The following ARHGAP10 variants were observed in gnomAD, a reference collection of about 807,000 sequenced individuals.
ARHGAP10 encodes the protein rho GTPase-activating protein 10.
A neutral mutation model predicts 108.6 loss-of-function variants in ARHGAP10; 87 were observed. That is an observed-to-expected ratio of 0.80 (90% CI 0.67 to 0.96). The LOEUF (loss-of-function observed/expected upper bound fraction) is 0.96, where lower values mean the gene tolerates loss of function less well. ARHGAP10 is among the 40% of genes least tolerant of loss of function. ARHGAP10 has a pLI of 0.00. For synonymous variants in ARHGAP10, 347 were observed against 341.1 expected, an observed-to-expected ratio of 1.02 and a Z score of -0.19; for missense variants, 939 against 954.5, an observed-to-expected ratio of 0.98 and a Z score of 0.21.
intron 1 of ARHGAP10, among the ~76,000 whole-genome samples, chr4:147,782,952 A>T (rs1308762431): frequency 2.1e-5 from 3 of 140,092 alleles, no homozygotes; most frequent in Non-Finnish European, 4.7e-5. Flanking sequence ...TATTATATAA[A>T]TTATATATAA....
chr4:147,938,103 A>G (rs1738025108), intron 13 of ARHGAP10, among the ~76,000 whole-genome samples: 1 of 152,202 alleles, frequency 6.6e-6, no homozygotes, highest in South Asian at 2.1e-4. Flanking sequence ...TAGCAAAGTA[A>G]TGCAGGAATA....
At chr4:147,829,289 T>C (rs1241569662) in intron 3 of ARHGAP10, among the ~76,000 whole-genome samples, 1 of 151,956 alleles carries the variant, frequency 6.6e-6, no homozygotes, top group Non-Finnish European at 1.5e-5. Flanking sequence ...CCTGACCTTG[T>C]GATCTTCCTG....
At position 148,014,868 on chromosome 4, in the gene ARHGAP10, A is replaced by G. The variant is rs187140861; in HGVS notation, c.1717-8395A>G. Among the ~76,000 whole-genome samples, 26 of 152,370 alleles carry G rather than the reference A, an allele frequency of 1.7e-4. No homozygotes were observed. The South Asian group carries it at 2.7e-3, about 16-fold the overall frequency. On this transcript the variant is annotated intron_variant, in intron 18 of 22. Transcript: ENST00000336498. Reference sequence around the variant, plus strand: ...TGTTTCCTGAAATAAAACATAAACAAAATTAGAAAAACAGAAACTCTACCA... The same window carrying G: ...TGTTTCCTGAAATAAAACATAAACAGAATTAGAAAAACAGAAACTCTACCA...
At chr4:147,911,507 T>C (rs202124046) in intron 12 of ARHGAP10, among the ~76,000 whole-genome samples, 25 of 152,254 alleles carry the variant, frequency 1.6e-4, no homozygotes, top group Middle Eastern at 3.4e-3. Context: ...GGACTACAGG[T>C]GCCCACCATC....
chr4:148,059,983 AGAGAGAGAGAGGGGAGAGAGAG>A (rs1729534610), intron 20 of ARHGAP10, among the ~76,000 whole-genome samples: 1 of 143,482 alleles, frequency 7.0e-6, no homozygotes, highest in South Asian at 2.4e-4. Context: ...TGAGAGAGAG[AGAGAGAGAGAGGGGAGAGAGAG>A]GAGAGAGAGA....
At chr4:147,840,308 A>T (rs1733359760) in intron 3 of ARHGAP10, among the ~76,000 whole-genome samples, 1 of 151,796 alleles carries the variant, frequency 6.6e-6, no homozygotes, top group African/African-American at 2.4e-5. Flanking sequence ...AATCAGAATG[A>T]TTTTTTTTCT....
At chr4:147,918,855 C>T (rs375261126) in intron 13 of ARHGAP10, among the ~76,000 whole-genome samples, 1 of 152,244 alleles carries the variant, frequency 6.6e-6, no homozygotes, top group Non-Finnish European at 1.5e-5. Context: ...TGAGGACACA[C>T]GTTGTGCCTG....
At chr4:147,979,115 A>C (rs921463383) in intron 18 of ARHGAP10, among the ~76,000 whole-genome samples, 6 of 152,034 alleles carry the variant, frequency 3.9e-5, no homozygotes, top group Non-Finnish European at 5.9e-5. Context: ...GGTCTTCATA[A>C]ATTTTTTGCC....
chr4:148,057,717 C>G (rs914631416), intron 20 of ARHGAP10, among the ~76,000 whole-genome samples: 3 of 152,216 alleles, frequency 2.0e-5, no homozygotes, highest in Admixed American at 2.0e-4. Context: ...TTCCTCCACT[C>G]TTCCTCTGAG....
rs553765835 is a variant in ARHGAP10 at position 147,954,372 on chromosome 4, T to A, written c.1392-944T>A. Among the ~76,000 whole-genome samples, 3 of 152,168 alleles carry A rather than the reference T, an allele frequency of 2.0e-5. No homozygotes were observed. The South Asian group carries it at 6.2e-4, about 32-fold the overall frequency. The stretch of plus-strand genomic sequence containing the variant: ...ATTTTTGCTTCAAGTGTTTTGGGGC[T>A]CTCTTATTAGATCTGTTAACATTTA... On this transcript the variant is annotated intron_variant, in intron 15 of 22. Transcript: ENST00000336498.
chr4:147,845,258 G>A (rs76325021), intron 3 of ARHGAP10, among the ~76,000 whole-genome samples: 2,052 of 152,168 alleles, frequency 0.013, 23 homozygotes, highest in Middle Eastern at 0.037. Flanking sequence ...ATTCCTCACT[G>A]TACTCCTACT....
In ARHGAP10 at chr4:147,822,922, T is replaced by C; in HGVS notation, c.277T>C (p.Phe93Leu). ...IDASLREFSN[F>L]LKNLEEQREI... The stretch of plus-strand genomic sequence containing the variant: ...TGCTTCCTTACGTGAATTTTCAAAT[T>C]TTTTGAAGAATCTGGAGGAACAGAG... The change falls in exon 3 of 23, where the codon TTT (phenylalanine) becomes CTT (leucine). Residue 93 changes from phenylalanine to leucine, a missense_variant. Coordinates refer to ENST00000336498, the MANE Select transcript of ARHGAP10 (RefSeq NM_024605.4). The C allele has an allele frequency of 6.2e-7, 1 of 1,614,038 alleles. No homozygotes were observed. The highest frequency in any genetic ancestry group is 1.1e-5 in the South Asian group (1 of 91,082).
At chr4:147,753,621 T>G (rs538848902) in intron 1 of ARHGAP10, among the ~76,000 whole-genome samples, 46 of 152,104 alleles carry the variant, frequency 3.0e-4, no homozygotes, top group Non-Finnish European at 5.9e-4. Flanking sequence ...CCCAGAGTGC[T>G]GGGATTACAG....
At chr4:147,758,332 A>G (rs887971265) in intron 1 of ARHGAP10, among the ~76,000 whole-genome samples, 2 of 151,986 alleles carry the variant, frequency 1.3e-5, no homozygotes, top group South Asian at 2.1e-4. Context: ...AATTTTTTTG[A>G]TATTTTAATT....
chr4:147,874,295 T>C (rs967265679), intron 7 of ARHGAP10, among the ~76,000 whole-genome samples: 2 of 152,220 alleles, frequency 1.3e-5, no homozygotes, highest in Non-Finnish European at 2.9e-5. Flanking sequence ...AGGAACACGG[T>C]GGTGCTGACT....
chr4:148,043,364 T>C (rs1289702304), intron 19 of ARHGAP10, among the ~76,000 whole-genome samples: 1 of 152,022 alleles, frequency 6.6e-6, no homozygotes, highest in Non-Finnish European at 1.5e-5. Flanking sequence ...TGTAGATGCC[T>C]GTTAAAGGGT....
intron 3 of ARHGAP10, among the ~76,000 whole-genome samples, chr4:147,828,274 G>A (rs993901897): frequency 3.3e-5 from 5 of 152,202 alleles, no homozygotes; most frequent in African/African-American, 1.2e-4. Flanking sequence ...ATTTTAAAAT[G>A]TTTTCTGAAT....
chr4:147,824,651 G>C (rs923661821), intron 3 of ARHGAP10, among the ~76,000 whole-genome samples: 1 of 151,840 alleles, frequency 6.6e-6, no homozygotes, highest in Non-Finnish European at 1.5e-5. Flanking sequence ...GTGGCAGGAT[G>C]GAGTTGAGTG....
intron 4 of ARHGAP10, among the ~76,000 whole-genome samples, chr4:147,851,182 C>G (rs941251968): frequency 1.3e-5 from 2 of 152,046 alleles, no homozygotes; most frequent in Non-Finnish European, 2.9e-5. Flanking sequence ...GTTCATTTCA[C>G]AAATTATGAC....
Sources: allele counts gnomAD v4.1 joint callset (sites outside exome capture counted in the v4.1 genomes callset), GRCh38; gene constraint gnomAD v4.1.1; transcripts MANE v1.5; gene names NCBI Gene and HGNC (gene_info 2026-07-23, HGNC 2026-07-21).